Variants in INF2 observed in about 807,000 individuals in gnomAD.
INF2 encodes the protein inverted formin-2.
Under a neutral mutation model 123.5 loss-of-function variants are expected in INF2, and 43 were observed. The observed-to-expected ratio is 0.35, with a 90% CI of 0.27 to 0.45. INF2 has a LOEUF of 0.45. Ranked by LOEUF, INF2 falls within the 20% of genes least tolerant of loss-of-function variation. INF2 has a pLI of 1.00. For missense variants in INF2, 1,453 were observed against 1,682.7 expected (o/e 0.86, Z 2.39); for synonymous variants, 851 against 745.0 (o/e 1.14, Z -2.32).
chr14:104,687,974 G>C (rs1191419033), upstream of INF2, among the ~76,000 whole-genome samples: 1 of 152,252 alleles, frequency 6.6e-6, no homozygotes, highest in East Asian at 1.9e-4. The surrounding 1 kb of genome is among the most constrained non-coding windows in gnomAD (Gnocchi z 5.6). Flanking sequence ...CCTCCAGGGT[G>C]GGGTGGTACC....
In INF2 at chr14:104,714,306, C is replaced by T; in HGVS notation, c.3144C>T (p.Asp1048=). 1 of 1,591,426 alleles carries T rather than the reference C, an allele frequency of 6.3e-7. No individual in the cohort carries two copies. The highest frequency in any genetic ancestry group is 8.5e-7 in the Non-Finnish European group (1 of 1,170,170). ...CAGCCAGCGAGTCCCGGGGCTGGGA[C>T]CTTGTAGACGCCGTGACCCCCGGCC... ...ATTASESRGW[D]LVDAVTPGPQ... Residue 1048 remains aspartate (D), a synonymous_variant, in exon 21 of 23, where the codon GAC becomes GAT. Transcript: ENST00000392634.
At chr14:104,682,471 G>A (rs1003913865) in intron 1 of INF2, among the ~76,000 whole-genome samples, 8 of 152,206 alleles carry the variant, frequency 5.3e-5, no homozygotes, top group Non-Finnish European at 1.2e-4. Flanking sequence ...AGTGGGGCGC[G>A]GGGCAGGGCC....
chr14:104,713,263 G>A lies in INF2; in HGVS notation c.2832G>A (p.Leu944=). ...AAKAERRKQQ[L]AEEEARRPRG... is the part of the protein sequence containing the mutation. The stretch of plus-strand genomic sequence containing the variant: ...AGGCAGAGAGGAGGAAGCAGCAGCT[G>A]GCGGAGGAGGAGGCGCGGCGGCCTC... Residue 944 remains leucine, a synonymous_variant, in exon 19 of 23, where the codon CTG becomes CTA. Transcript: ENST00000392634. The A allele has an allele frequency of 6.4e-7, 1 of 1,551,470 alleles. No individual in the cohort carries two copies. The highest frequency in any genetic ancestry group is 2.4e-5 in the East Asian group (1 of 41,064).
chr14:104,684,180 G>A lies in INF2; in HGVS notation c.-104+2598G>A, dbSNP rs146335091. The stretch of plus-strand genomic sequence containing the variant: ...TGCGTGCCGCCACGGGAAACAGCAC[G>A]CATCCCATCTGGACTCCCACCAGAC... On this transcript the variant is annotated intron_variant, in intron 1 of 2. Transcript: ENST00000674723. This position sits in a 1 kb window ranked among gnomAD's most constrained non-coding sequence, Gnocchi z 5.0. 0.015 allele frequency: 6,664 copies of A among 455,220 alleles called. 93 individuals carry two copies. The highest frequency in any genetic ancestry group is 0.03 in the South Asian group (1,916 of 64,454). The allele number at this position is 455,220 out of a possible 1,614,324, so 28.2% of individuals were successfully genotyped here.
chr14:104,690,645 G>A (rs1402920238), intron 1 of INF2: 1 of 152,380 alleles, frequency 6.6e-6, no homozygotes, highest in African/African-American at 2.4e-5. Flanking sequence ...GCTGGACGTA[G>A]GAAATTCCCT....
rs201633273 is a variant in INF2 at position 104,713,331 on chromosome 14, G to T, written c.2878+22G>T. 0.014 allele frequency: 22,344 copies of T among 1,551,302 alleles called. 249 individuals are homozygous for T. The highest frequency in any genetic ancestry group is 0.039 in the South Asian group (3,325 of 84,254). On this transcript the variant is annotated intron_variant, in intron 19 of 22. Transcript: ENST00000392634. ...CCTGGTGAGGCTGGGCCGGCTGGGC[G>T]GGGAGGGGGTGACTCTGGGATCCTT... is the stretch of plus-strand genomic sequence containing the variant.
intron 1 of INF2, among the ~76,000 whole-genome samples, chr14:104,698,043 G>A (rs113030463): frequency 2.4e-3 from 367 of 152,372 alleles, no homozygotes; most frequent in African/African-American, 8.4e-3. Flanking sequence ...AAAAGATTGC[G>A]AAGAACGCAA....
At position 104,681,537 on chromosome 14, in the gene INF2, T is replaced by C. The variant is rs1194904137; in HGVS notation, c.-149T>C. Reference sequence around the variant, plus strand: ...CCCTCTCAGCAAACTCCACGTCTTATGAAATTAGCACTGGATTTCCACTTC... The same window carrying C: ...CCCTCTCAGCAAACTCCACGTCTTACGAAATTAGCACTGGATTTCCACTTC... On this transcript the variant is annotated 5_prime_UTR_variant, in exon 1 of 3. Coordinates refer to the INF2 transcript ENST00000674723. 5.4e-6 allele frequency: 7 copies of C among 1,288,272 alleles called. No individual in the cohort carries two copies. The African/African-American group carries it at 7.6e-5, about 14-fold the overall frequency. 79.8% of individuals were successfully genotyped at this position (1,288,272 alleles called of 1,614,324 possible). A position where few individuals can be genotyped will look rare whatever the true frequency, so the allele number is the denominator to read the frequency against.
intron 1 of INF2, 68 bp downstream of exon 1, chr14:104,689,807 G>A: frequency 1.1e-6 from 1 of 902,242 alleles, no homozygotes; most frequent in Non-Finnish European, 1.3e-6. Flanking sequence ...AGGCAGGGGC[G>A]TGCTTGGGTC....
chr14:104,698,423 AG>A (rs2140625630), intron 1 of INF2, among the ~76,000 whole-genome samples: 1 of 152,376 alleles, frequency 6.6e-6, no homozygotes, highest in South Asian at 2.1e-4. Flanking sequence ...AGAGACTCAC[AG>A]GCGGGCGGGG....
chr14:104,709,133 G>A (rs531838982), intron 10 of INF2, 148 bp from the exon 11 acceptor site: 15 of 658,318 alleles, frequency 2.3e-5, no homozygotes, highest in Middle Eastern at 4.0e-4. Context: ...CCGCGTGACC[G>A]TGGGCAACAA....
In INF2 at chr14:104,713,282, C is replaced by T. The variant is rs1404467783; in HGVS notation, c.2851C>T (p.Arg951Trp). 4.5e-6 allele frequency: 7 copies of T among 1,550,336 alleles called. No individual in the cohort carries two copies. Among genetic ancestry groups the T allele is most frequent in the Admixed American group, 2.0e-5 (1 of 51,064 alleles). The change falls in exon 19 of 23, where the codon CGG becomes TGG. Residue 951 changes from arginine to tryptophan, a missense_variant. Physicochemically the swap from Arg to Trp is moderately radical, Grantham distance 101. This residue lies in a region of INF2 where 212 missense variants were observed against 266.2 expected (regional missense o/e 0.80). Transcript: ENST00000392634. ...KQQLAEEEAR[R>W]PRGEDGKPVR... The stretch of plus-strand genomic sequence containing the variant: ...GCAGCTGGCGGAGGAGGAGGCGCGG[C>T]GGCCTCGGGGAGAGGACGGGAAGCC...
At chr14:104,701,874 G>A in intron 2 of INF2, 118 bp downstream of exon 2, 1 of 1,129,182 alleles carries the variant, frequency 8.9e-7, no homozygotes. Context: ...AGCCAGGCAG[G>A]CAAGGAGGGC....
chr14:104,709,820 G>C (rs1352435160), intron 12 of INF2, 115 bp downstream of exon 12: 3 of 919,398 alleles, frequency 3.3e-6, no homozygotes, highest in Non-Finnish European at 5.2e-6. Flanking sequence ...GCTGCCCCGG[G>C]CTCCAGGAGC....
chr14:104,696,011 C>T (rs74091121), intron 1 of INF2, among the ~76,000 whole-genome samples: 1,561 of 152,302 alleles, frequency 0.01, 26 homozygotes, highest in African/African-American at 0.035. Flanking sequence ...CATATTCATC[C>T]GAGATGCAGC....
chr14:104,714,067 T>TG, intron 20 of INF2, 136 bp from the exon 21 acceptor site: 1 of 755,208 alleles, frequency 1.3e-6, no homozygotes, highest in Non-Finnish European at 2.1e-6. Flanking sequence ...CGGGTCCTGC[T>TG]CTGAGACATC....
chr14:104,711,906 C>G (rs1009813126), intron 16 of INF2, among the ~76,000 whole-genome samples: 5 of 152,240 alleles, frequency 3.3e-5, no homozygotes, highest in African/African-American at 4.8e-5. Context: ...AGCGAGGAAA[C>G]AGGCCTAGAG....
intron 6 of INF2, 81 bp from the exon 7 acceptor site, chr14:104,706,829 C>T (rs999606757): frequency 6.6e-7 from 1 of 1,517,458 alleles, no homozygotes; most frequent in Non-Finnish European, 8.9e-7. Context: ...TGGGGCTGGA[C>T]ACCCTGGCAG....
chr14:104,683,664 T>C (rs1046208769), intron 1 of INF2, among the ~76,000 whole-genome samples: 1 of 135,378 alleles, frequency 7.4e-6, no homozygotes. Context: ...TCCGGAGACT[T>C]TGGAGACCTA....
Sources: allele counts gnomAD v4.1 joint callset (sites outside exome capture counted in the v4.1 genomes callset), GRCh38; gene constraint gnomAD v4.1.1; regional missense constraint gnomAD v4.1.1; non-coding constraint Gnocchi (gnomAD v3.1); transcripts MANE v1.5; gene names NCBI Gene and HGNC (gene_info 2026-07-23, HGNC 2026-07-21).